The following MBD5 variants were observed in gnomAD, a reference collection of about 807,000 sequenced individuals.
MBD5 encodes the protein methyl-CpG-binding domain protein 5.
Under a neutral mutation model 117.3 loss-of-function variants are expected in MBD5, and 13 were observed. That is an observed-to-expected ratio of 0.11 (90% confidence interval 0.07 to 0.18). The LOEUF (loss-of-function observed/expected upper bound fraction) is 0.18. MBD5 is among the 10% of genes least tolerant of loss of function. The pLI is 1.00. For missense variants in MBD5, 1,879 were observed against 2,093.8 expected, an observed-to-expected ratio of 0.90 and a Z score of 2.00; for synonymous variants, 727 against 766.4, an observed-to-expected ratio of 0.95 and a Z score of 0.85.
At chr2:148,434,082 G>A (rs1173619549) in intron 4 of MBD5, among the ~76,000 whole-genome samples, 1 of 151,896 alleles carries the variant, frequency 6.6e-6, no homozygotes, top group Non-Finnish European at 1.5e-5. Context: ...TTATTGGTCT[G>A]TTCAGGGATT....
Position 148,469,198 on chromosome 2 carries a change from C to G in MBD5, c.1255C>G (p.His419Asp). 1 of 1,614,058 alleles carries G rather than the reference C, an allele frequency of 6.2e-7. No homozygotes were observed. Among genetic ancestry groups the G allele is most frequent in the Non-Finnish European group, 8.5e-7 (1 of 1,179,970 alleles). ...LPTVKPGHMN[H>D]GSHVQRVQHS... ...AACTGTAAAACCTGGTCACATGAAT[C>G]ATGGGAGTCATGTACAAAGAGTTCA... The change falls in exon 8 of 14, where the codon CAT becomes GAT. Residue 419 changes from histidine to aspartate, a missense_variant. This residue lies in a region of MBD5 where 1,666 missense variants were observed against 1,792.2 expected (regional missense o/e 0.93). Coordinates refer to ENST00000642680, the MANE Select transcript of MBD5 (RefSeq NM_001378120.1).
intron 2 of MBD5, among the ~76,000 whole-genome samples, chr2:148,209,941 A>G (rs562921114): frequency 4.5e-4 from 69 of 152,328 alleles, no homozygotes; most frequent in African/African-American, 1.6e-3. Context: ...CACCTTCAAC[A>G]GTGAAGATTA....
At chr2:148,325,095 T>C (rs369698179) in intron 3 of MBD5, among the ~76,000 whole-genome samples, 3 of 152,360 alleles carry the variant, frequency 2.0e-5, no homozygotes, top group African/African-American at 7.2e-5. Context: ...GAGATAATCA[T>C]GTGGTTTTTG....
At chr2:148,386,642 C>A (rs1391204589) in intron 4 of MBD5, among the ~76,000 whole-genome samples, 1 of 147,218 alleles carries the variant, frequency 6.8e-6, no homozygotes. Flanking sequence ...TGGCGTGAAC[C>A]CGGGAGGCGG....
In MBD5 at chr2:148,330,043, G is replaced by GC. The variant is rs1189961812; in HGVS notation, c.-679-12163dup. Among the ~76,000 whole-genome samples, 63 of 7,844 alleles carry GC rather than the reference G, an allele frequency of 8.0e-3. 1 individual carries two copies. Among genetic ancestry groups the GC allele is most frequent in the African/African-American group, 0.027 (58 of 2,186 alleles). 5.1% of individuals were successfully genotyped at this position (7,844 alleles called of 152,430 possible). On this transcript the variant is annotated intron_variant, in intron 3 of 13. Coordinates refer to ENST00000642680, the MANE Select transcript of MBD5 (RefSeq NM_001378120.1). The stretch of plus-strand genomic sequence containing the variant: ...TGGTTGTAGGTAAGAACCCCCCCCC[G>GC]CCCCCCCCACACACACACACACACT...
chr2:148,231,314 C>G (rs7569947), intron 2 of MBD5, among the ~76,000 whole-genome samples: 144,023 of 152,168 alleles, frequency 0.95, 68,645 homozygotes, highest in East Asian at 1. Context: ...GTTTGGTCTA[C>G]TTTTGTTTTC....
rs1574248613 is a variant in MBD5 at position 148,293,207 on chromosome 2, A to G, written c.-679-49007A>G. Among the ~76,000 whole-genome samples the G allele has an allele frequency of 2.0e-5, 3 of 151,244 alleles. No homozygotes were observed. The South Asian group carries it at 6.3e-4, about 32-fold the overall frequency. The stretch of plus-strand genomic sequence containing the variant: ...ATGGTGGCATGTGTCTGTAGTCCCA[A>G]CTCCCTGGGAGGCTATGGTTGCCAG... On this transcript the variant is annotated intron_variant, in intron 3 of 13. Coordinates refer to ENST00000642680, the MANE Select transcript of MBD5 (RefSeq NM_001378120.1).
intron 1 of MBD5, among the ~76,000 whole-genome samples, chr2:148,061,198 C>T (rs1349022820): frequency 6.6e-6 from 1 of 151,840 alleles, no homozygotes; most frequent in Non-Finnish European, 1.5e-5. Flanking sequence ...GTATCATAAC[C>T]CTGCTTTGCT....
At chr2:148,366,220 A>C (rs1368689988) in intron 4 of MBD5, among the ~76,000 whole-genome samples, 1 of 152,306 alleles carries the variant, frequency 6.6e-6, no homozygotes, top group Middle Eastern at 3.4e-3. Flanking sequence ...AACAAATGAC[A>C]AAAACCACAT....
chr2:148,294,219 T>G (rs1456707652), intron 3 of MBD5, among the ~76,000 whole-genome samples: 6 of 142,998 alleles, frequency 4.2e-5, no homozygotes, highest in East Asian at 4.0e-4. Context: ...TTTTTTTTTT[T>G]TTTTTTTTTT....
chr2:148,136,765 AT>A lies in MBD5; in HGVS notation c.-924-41921del, dbSNP rs879310208. Among the ~76,000 whole-genome samples, 793 of 145,924 alleles carry A rather than the reference AT, an allele frequency of 5.4e-3. 6 individuals carry two copies. Among genetic ancestry groups the A allele is most frequent in the South Asian group, 0.013 (60 of 4,614 alleles). ...AAAAAATCTTCTCCCCAGTTTATTA[AT>A]TTTTTTTTTTTTTGAGACAGAGTTT... On this transcript the variant is annotated intron_variant, in intron 1 of 13. Transcript: ENST00000642680.
chr2:148,283,518 A>G (rs148279927), intron 3 of MBD5, among the ~76,000 whole-genome samples: 149 of 152,316 alleles, frequency 9.8e-4, no homozygotes, highest in Non-Finnish European at 1.7e-3. Flanking sequence ...GCCTAATTTT[A>G]GTCCTGAGGT....
chr2:148,123,942 T>A (rs1696827436), intron 1 of MBD5, among the ~76,000 whole-genome samples: 1 of 152,182 alleles, frequency 6.6e-6, no homozygotes, highest in South Asian at 2.1e-4. Flanking sequence ...CTGTAGTGAT[T>A]TTTTTAAAAG....
chr2:148,452,436 G>C (rs936026839), intron 4 of MBD5, among the ~76,000 whole-genome samples: 5 of 152,106 alleles, frequency 3.3e-5, no homozygotes, highest in African/African-American at 1.2e-4. Flanking sequence ...GGAAGTCAAA[G>C]CTGCAGTGAG....
chr2:148,382,728 A>G (rs749459360), intron 4 of MBD5, among the ~76,000 whole-genome samples: 9 of 152,236 alleles, frequency 5.9e-5, no homozygotes, highest in African/African-American at 9.6e-5. Flanking sequence ...CAGCAAATGT[A>G]AAAGAACAGA....
chr2:148,276,315 A>G (rs952636207), intron 3 of MBD5, among the ~76,000 whole-genome samples: 2 of 152,166 alleles, frequency 1.3e-5, no homozygotes, highest in African/African-American at 4.8e-5. Context: ...GTAAGACCCT[A>G]TCTAAAATAA....
intron 4 of MBD5, among the ~76,000 whole-genome samples, chr2:148,407,540 T>G (rs1189315448): frequency 1.3e-5 from 2 of 152,196 alleles, no homozygotes; most frequent in African/African-American, 2.4e-5. Context: ...TTTATCACTT[T>G]GTCATTCAGC....
chr2:148,136,148 C>T (rs1484494814), intron 1 of MBD5, among the ~76,000 whole-genome samples: 3 of 152,112 alleles, frequency 2.0e-5, no homozygotes, highest in Non-Finnish European at 4.4e-5. Context: ...ACCACATTTC[C>T]AACAAGTTAA....
At chr2:148,097,699 A>T (rs1437429963) in intron 1 of MBD5, among the ~76,000 whole-genome samples, 1 of 152,196 alleles carries the variant, frequency 6.6e-6, no homozygotes, top group Non-Finnish European at 1.5e-5. Context: ...AATGTAGACG[A>T]GGTACATTTG....
Sources: gnomAD v4.1 joint callset for allele counts (sites outside exome capture counted in the v4.1 genomes callset) on GRCh38, gnomAD v4.1.1 for gene constraint, gnomAD v4.1.1 regional missense constraint, MANE v1.5 for transcripts, NCBI Gene and HGNC (gene_info 2026-07-23, HGNC 2026-07-21) for gene names.